Variants in LRRFIP1 observed in about 807,000 individuals in gnomAD.
LRRFIP1 encodes LRR binding FLII interacting protein 1, also known as leucine-rich repeat flightless-interacting protein 1.
In LRRFIP1, 62 loss-of-function variants were observed where a neutral mutation model predicts 104.4. The ratio of observed to expected loss-of-function variants is 0.59; its 90% confidence interval spans 0.48 to 0.73. The LOEUF (loss-of-function observed/expected upper bound fraction) is 0.73. Ranked by LOEUF, LRRFIP1 falls within the 30% of genes least tolerant of loss-of-function variation. LRRFIP1 has a pLI of 0.00. For missense variants in LRRFIP1, 796 were observed against 824.5 expected, an observed-to-expected ratio of 0.97 and a Z score of 0.42; for synonymous variants, 300 against 299.0, an observed-to-expected ratio of 1.00 and a Z score of -0.03.
At chr2:237,685,395 CAT>C (rs2092289679) in intron 1 of LRRFIP1, among the ~76,000 whole-genome samples, 1 of 152,152 alleles carries the variant, frequency 6.6e-6, no homozygotes, top group Non-Finnish European at 1.5e-5. Context: ...CACAAAACAA[CAT>C]TTAATGGTGT....
At chr2:237,775,853 A>G (rs932344293) in intron 23 of LRRFIP1, among the ~76,000 whole-genome samples, 1 of 152,158 alleles carries the variant, frequency 6.6e-6, no homozygotes, top group African/African-American at 2.4e-5. Context: ...AAAAAAAGGA[A>G]AGAATCACTC....
chr2:237,692,452 C>T, intron 1 of LRRFIP1: 1 of 1,521,144 alleles, frequency 6.6e-7, no homozygotes, highest in East Asian at 2.6e-5. Flanking sequence ...CCGAGCCCGG[C>T]AGGATGACCA....
At chr2:237,701,547 C>G (rs2149901326) in intron 1 of LRRFIP1, among the ~76,000 whole-genome samples, 1 of 152,370 alleles carries the variant, frequency 6.6e-6, no homozygotes, top group Middle Eastern at 3.4e-3. Context: ...AGCCCCCAGC[C>G]TGAGCCGGGC....
Position 237,693,750 on chromosome 2 carries a change from T to G in LRRFIP1, c.97-14794T>G, listed in dbSNP as rs150138671. 3.1e-3 allele frequency among the ~76,000 whole-genome samples: 469 copies of G among 152,230 alleles called. 11 individuals are homozygous for G. In the East Asian group the frequency reaches 0.046, roughly 15 times the overall value. ...GAGGTGAAGAGCTGCCTGCTGGACT[T>G]AGAGTCCTTGGAGAAGGGAAGAGTA... On this transcript the variant is annotated intron_variant, in intron 1 of 23. Transcript: ENST00000308482.
chr2:237,664,984 C>T (rs528662048), intron 1 of LRRFIP1, among the ~76,000 whole-genome samples: 12 of 152,206 alleles, frequency 7.9e-5, no homozygotes, highest in Admixed American at 3.9e-4. Flanking sequence ...TAACAAATGA[C>T]TTCAGGCTTG....
Position 237,760,061 on chromosome 2 carries a change from C to A in LRRFIP1, c.1318-3C>A. 1 of 1,612,782 alleles carries A rather than the reference C, an allele frequency of 6.2e-7. No individual in the cohort carries two copies. The highest frequency in any genetic ancestry group is 8.5e-7 in the Non-Finnish European group (1 of 1,179,198). On this transcript the variant is annotated splice_region_variant and splice_polypyrimidine_tract_variant and intron_variant, in intron 18 of 23. Coordinates refer to ENST00000308482, the MANE Select transcript of LRRFIP1 (RefSeq NM_001137550.2). ...ATTACGATGAGCCTATTTTTGTTCCCAGAAACATGGAATAATCCTAAATTC... is the reference window on the plus strand; with the variant it reads ...ATTACGATGAGCCTATTTTTGTTCCAAGAAACATGGAATAATCCTAAATTC...
At chr2:237,647,406 G>C (rs1336970828) in intron 1 of LRRFIP1, among the ~76,000 whole-genome samples, 1 of 152,002 alleles carries the variant, frequency 6.6e-6, no homozygotes, top group African/African-American at 2.4e-5. Context: ...TGCCAGGTGG[G>C]CTCCTCTAGC....
At chr2:237,701,304 G>C (rs1367585250) in intron 1 of LRRFIP1, among the ~76,000 whole-genome samples, 3 of 152,234 alleles carry the variant, frequency 2.0e-5, no homozygotes, top group African/African-American at 7.2e-5. Context: ...AGAGCTGCTA[G>C]AGCCCCAGAC....
intron 11 of LRRFIP1, among the ~76,000 whole-genome samples, chr2:237,743,596 A>T (rs56305830): frequency 2.4e-4 from 37 of 152,130 alleles, no homozygotes; most frequent in African/African-American, 8.2e-4. Context: ...TGAGGAAGTT[A>T]TTTCACTCAT....
intron 1 of LRRFIP1, among the ~76,000 whole-genome samples, chr2:237,685,405 T>C (rs765500285): frequency 6.6e-6 from 1 of 152,192 alleles, no homozygotes; most frequent in Non-Finnish European, 1.5e-5. Context: ...CATTTAATGG[T>C]GTAATGTAAC....
At chr2:237,677,591 A>G (rs180967613) in intron 1 of LRRFIP1, among the ~76,000 whole-genome samples, 2 of 152,350 alleles carry the variant, frequency 1.3e-5, no homozygotes, top group Admixed American at 1.3e-4. Context: ...CAGGGGTTTG[A>G]GACCAGCCTA....
At chr2:237,641,949 T>A (rs2084043900) in intron 1 of LRRFIP1, among the ~76,000 whole-genome samples, 1 of 152,208 alleles carries the variant, frequency 6.6e-6, no homozygotes, top group Non-Finnish European at 1.5e-5. Flanking sequence ...CAGGTTTCTG[T>A]TGGTGTGAAG....
chr2:237,749,278 A>G lies in LRRFIP1; in HGVS notation c.749A>G (p.Asp250Gly). Reference sequence around the variant, plus strand: ...ACTTCCTCTCGGAGAGGCAGCGGAGACACCTCCATCTCCATCGACACCGAG... The same window carrying G: ...ACTTCCTCTCGGAGAGGCAGCGGAGGCACCTCCATCTCCATCGACACCGAG... ...GGTSSRRGSGDTSISIDTEAS... is the reference protein window; with the variant it reads ...GGTSSRRGSGGTSISIDTEAS... The change falls in exon 13 of 24, where the codon GAC becomes GGC. Residue 250 changes from aspartate to glycine, a missense_variant. Transcript: ENST00000308482. 2 of 1,613,760 alleles carry G rather than the reference A, an allele frequency of 1.2e-6. No homozygotes were observed. The highest frequency in any genetic ancestry group is 1.7e-6 in the Non-Finnish European group (2 of 1,179,940).
chr2:237,675,033 C>T (rs936182210), intron 1 of LRRFIP1, among the ~76,000 whole-genome samples: 6 of 152,226 alleles, frequency 3.9e-5, no homozygotes, highest in East Asian at 1.9e-4. Context: ...TTTCTGTGAG[C>T]GTCACCCCAG....
intron 1 of LRRFIP1, among the ~76,000 whole-genome samples, chr2:237,694,430 A>C (rs1300577340): frequency 6.6e-6 from 1 of 151,824 alleles, no homozygotes; most frequent in African/African-American, 2.4e-5. Context: ...TCAGGTAGGG[A>C]AGGAAATGTG....
chr2:237,654,771 G>A lies in LRRFIP1; in HGVS notation c.96+27031G>A, dbSNP rs1236449429. Among the ~76,000 whole-genome samples the A allele has an allele frequency of 1.2e-4, 18 of 152,172 alleles. 1 individual carries two copies. Among genetic ancestry groups the A allele is most frequent in the African/African-American group, 3.1e-4 (13 of 41,534 alleles). Reference sequence around the variant, plus strand: ...TCACCATGTTGGCCAGGCTGGTTTCGAACTCCTGACCTCCAGTGATCCCCT... The same window carrying A: ...TCACCATGTTGGCCAGGCTGGTTTCAAACTCCTGACCTCCAGTGATCCCCT... On this transcript the variant is annotated intron_variant, in intron 1 of 23. Transcript: ENST00000308482.
intron 20 of LRRFIP1, chr2:237,771,863 A>C: frequency 3.7e-6 from 2 of 533,908 alleles, no homozygotes; most frequent in East Asian, 6.3e-5. Flanking sequence ...GAGTCCTAGA[A>C]GAATTTCACT....
intron 20 of LRRFIP1, chr2:237,770,232 A>G (rs6719679): frequency 0.29 from 131,608 of 451,986 alleles, 21,632 homozygotes; most frequent in East Asian, 0.55. Flanking sequence ...ACCCAAAGCC[A>G]TGGAATTGAA....
chr2:237,728,062 CT>C (rs199877448), intron 8 of LRRFIP1, 127 bp downstream of exon 8: 12 of 628,596 alleles, frequency 1.9e-5, no homozygotes, highest in Middle Eastern at 4.5e-4. Flanking sequence ...ATCGGTCTGT[CT>C]TTTTTTTCCT....
Sources: allele counts gnomAD v4.1 joint callset (sites outside exome capture counted in the v4.1 genomes callset), GRCh38; gene constraint gnomAD v4.1.1; transcripts MANE v1.5; gene names NCBI Gene and HGNC (gene_info 2026-07-23, HGNC 2026-07-21).